HMCN1: variants seen among roughly 807,000 people sequenced by gnomAD.
HMCN1 encodes the protein hemicentin-1.
HMCN1 carries 321 observed loss-of-function variants against 625.9 expected under a neutral mutation model. The observed-to-expected ratio is 0.51, with a 90% CI of 0.47 to 0.56. HMCN1 has a LOEUF of 0.56. Ranked by LOEUF, HMCN1 falls within the 20% of genes least tolerant of loss-of-function variation. The pLI is 0.00. For synonymous variants in HMCN1, 2,425 were observed against 2,417.6 expected, an observed-to-expected ratio of 1.00 and a Z score of -0.09; for missense variants, 6,588 against 6,887.3, an observed-to-expected ratio of 0.96 and a Z score of 1.54.
intron 23 of HMCN1, chr1:185,993,548 A>G: frequency 2.3e-6 from 1 of 442,068 alleles, no homozygotes; most frequent in Non-Finnish European, 4.2e-6. Flanking sequence ...TTTGGATCTC[A>G]ATTTTTCTAC....
intron 69 of HMCN1, 116 bp from the exon 70 acceptor site, chr1:186,106,768 G>C (rs958874214): frequency 6.4e-6 from 5 of 781,320 alleles, no homozygotes; most frequent in Non-Finnish European, 1.1e-5. Flanking sequence ...TAAACAGTTG[G>C]CTTTAATTAT....
intron 102 of HMCN1, among the ~76,000 whole-genome samples, chr1:186,173,911 T>A (rs1652393755): frequency 1.3e-5 from 2 of 152,192 alleles, no homozygotes; most frequent in African/African-American, 4.8e-5. Context: ...TAAAGATGAC[T>A]GACCATTGTA....
At chr1:185,893,273 G>C (rs1665253737) in intron 4 of HMCN1, among the ~76,000 whole-genome samples, 1 of 152,202 alleles carries the variant, frequency 6.6e-6, no homozygotes, top group South Asian at 2.1e-4. Context: ...CCCATCTTCT[G>C]CGTTGCTCAG....
In HMCN1 at chr1:186,088,665, C is replaced by T. The variant is rs1404028877; in HGVS notation, c.9637C>T (p.Arg3213Trp). ...TGGAGGTAGCAAACTCCAGATTGCC[C>T]GGTCTCAGCATTCAGATAGTGGAAA... ...LSGGSKLQIA[R>W]SQHSDSGNYT... is the part of the protein sequence containing the mutation. Residue 3213 changes from arginine to tryptophan, a missense_variant, in exon 63 of 107, where the codon CGG (arginine) becomes TGG (tryptophan). By Grantham distance (101) the Arg-to-Trp change is moderately radical (BLOSUM62 -3). Around this residue, in one of 3 missense-constraint regions of HMCN1, gnomAD observed 4,628 missense variants for 4,853.1 expected, o/e 0.95. Transcript: ENST00000271588. 3.2e-5 allele frequency: 52 copies of T among 1,611,684 alleles called. No individual in the cohort carries two copies. Among genetic ancestry groups the T allele is most frequent in the Non-Finnish European group, 3.8e-5 (45 of 1,178,730 alleles).
chr1:185,962,630 T>C lies in HMCN1; in HGVS notation c.1941T>C (p.Val647=). ...GYPKPKIAWT[V]NDMFIVGSHR... ...CCAAACCAAAGATTGCCTGGACCGTTAACGATATGTTTATCGTGGGTTCAC... is the reference window on the plus strand; with the variant it reads ...CCAAACCAAAGATTGCCTGGACCGTCAACGATATGTTTATCGTGGGTTCAC... Residue 647 remains valine (V), a synonymous_variant, in exon 12 of 107, where the codon GTT becomes GTC. Transcript: ENST00000271588. 6.3e-7 allele frequency: 1 copy of C among 1,589,408 alleles called. No individual in the cohort carries two copies. The highest frequency in any genetic ancestry group is 8.6e-7 in the Non-Finnish European group (1 of 1,157,454).
chr1:185,962,578 C>T lies in HMCN1; in HGVS notation c.1889C>T (p.Ser630Phe). The stretch of plus-strand genomic sequence containing the variant: ...TCTTTCACAGGAGGGTCTGAGGTCT[C>T]CATCATGTGTTCTGCAACAGGTTAT... ...NQSFTGGSEV[S>F]IMCSATGYPK... Residue 630 changes from serine to phenylalanine, a missense_variant, in exon 12 of 107, where the codon TCC becomes TTC. Ser to Phe is a radical substitution (Grantham distance 155). Transcript: ENST00000271588. 6.2e-7 allele frequency: 1 copy of T among 1,608,060 alleles called. No homozygotes were observed. Among genetic ancestry groups the T allele is most frequent in the Non-Finnish European group, 8.5e-7 (1 of 1,174,530 alleles).
chr1:185,960,227 C>T (rs774728663), intron 11 of HMCN1, among the ~76,000 whole-genome samples: 1 of 148,574 alleles, frequency 6.7e-6, no homozygotes, highest in Non-Finnish European at 1.5e-5. Context: ...CTCCCAGGTT[C>T]AAGCAATTCT....
intron 1 of HMCN1, among the ~76,000 whole-genome samples, chr1:185,749,482 C>A (rs919294891): frequency 6.6e-6 from 1 of 152,164 alleles, no homozygotes; most frequent in Non-Finnish European, 1.5e-5. Context: ...AAGTACCTCA[C>A]GTTTATCATC....
At chr1:185,998,698 A>G (rs1488108895) in intron 25 of HMCN1, among the ~76,000 whole-genome samples, 1 of 152,068 alleles carries the variant, frequency 6.6e-6, no homozygotes, top group African/African-American at 2.4e-5. Context: ...TTTCACCTGG[A>G]ATATAATGCT....
intron 77 of HMCN1, 30 bp downstream of exon 77, chr1:186,117,653 A>G (rs1458684047): frequency 3.3e-5 from 52 of 1,595,744 alleles, no homozygotes; most frequent in Non-Finnish European, 4.4e-5. Flanking sequence ...TTTCACATCT[A>G]TTGATTGTAT....
intron 4 of HMCN1, among the ~76,000 whole-genome samples, chr1:185,869,536 G>T (rs1180540415): frequency 6.6e-6 from 1 of 152,022 alleles, no homozygotes; most frequent in Non-Finnish European, 1.5e-5. Context: ...AATCTGAGTA[G>T]AAGAATCCAG....
chr1:186,074,272 ATAAAG>A (rs1386091449), intron 52 of HMCN1, among the ~76,000 whole-genome samples: 4 of 152,050 alleles, frequency 2.6e-5, no homozygotes, highest in African/African-American at 9.7e-5. Context: ...TTTTTTATTT[ATAAAG>A]TAATGATGTT....
intron 48 of HMCN1, among the ~76,000 whole-genome samples, chr1:186,062,873 A>G (rs1189020593): frequency 6.6e-6 from 1 of 151,054 alleles, no homozygotes; most frequent in Non-Finnish European, 1.5e-5. Flanking sequence ...CTCTATGTCC[A>G]TTTGTACACA....
chr1:185,900,375 C>T (rs1372690916), intron 4 of HMCN1, among the ~76,000 whole-genome samples: 1 of 151,884 alleles, frequency 6.6e-6, no homozygotes, highest in Non-Finnish European at 1.5e-5. Context: ...CCAGTAAAAT[C>T]CAGGTTGTCA....
intron 1 of HMCN1, among the ~76,000 whole-genome samples, chr1:185,760,732 GA>G (rs1454479004): frequency 6.6e-6 from 1 of 152,076 alleles, no homozygotes; most frequent in Non-Finnish European, 1.5e-5. Flanking sequence ...AGGTTTCATG[GA>G]AGGAATACTA....
chr1:186,039,870 T>C lies in HMCN1; in HGVS notation c.6171T>C (p.Asn2057=). 6.2e-7 allele frequency: 1 copy of C among 1,613,300 alleles called. No homozygotes were observed. Among genetic ancestry groups the C allele is most frequent in the South Asian group, 1.1e-5 (1 of 91,076 alleles). The change falls in exon 39 of 107, where the codon AAT becomes AAC. Residue 2057 remains asparagine (N), a synonymous_variant. Coordinates refer to ENST00000271588, the MANE Select transcript of HMCN1 (RefSeq NM_031935.3). ...GGAGTCCTGTTTCTAGTTTTTCTAA[T>C]GGATTACAGGTACCTTCATTCATTT... ...KDGSPVSSFS[N]GLQVLSGGRI...
intron 11 of HMCN1, among the ~76,000 whole-genome samples, chr1:185,953,984 G>T (rs914963432): frequency 9.3e-5 from 14 of 151,266 alleles, no homozygotes; most frequent in African/African-American, 2.4e-4. Context: ...TGCTCAGTGG[G>T]GGTGCTTTTT....
chr1:186,175,202 A>T (rs1331205725), intron 103 of HMCN1, among the ~76,000 whole-genome samples: 6 of 152,236 alleles, frequency 3.9e-5, no homozygotes, highest in Non-Finnish European at 7.3e-5. Context: ...AGGCAAATAG[A>T]AAATATCTGT....
In HMCN1 at chr1:185,892,218, T is replaced by A. The variant is rs185549698; in HGVS notation, c.622-17119T>A. On this transcript the variant is annotated intron_variant, in intron 4 of 106. Coordinates refer to ENST00000271588, the MANE Select transcript of HMCN1 (RefSeq NM_031935.3). Reference sequence around the variant, plus strand: ...ATTCTAGTTATACATTCTTCTAAATTTTTTTTAAAGTTTTCAACTTCTTTG... The same window carrying A: ...ATTCTAGTTATACATTCTTCTAAATATTTTTTAAAGTTTTCAACTTCTTTG... Among the ~76,000 whole-genome samples the A allele has an allele frequency of 1.9e-3, 279 of 149,354 alleles. 6 individuals carry two copies. The highest frequency in any genetic ancestry group is 7.0e-3 in the African/African-American group (271 of 38,700).
Sources: gnomAD v4.1 joint callset for allele counts (sites outside exome capture counted in the v4.1 genomes callset) on GRCh38, gnomAD v4.1.1 for gene constraint, gnomAD v4.1.1 regional missense constraint, MANE v1.5 for transcripts, NCBI Gene and HGNC (gene_info 2026-07-23, HGNC 2026-07-21) for gene names.